Variants in EFCAB11 observed in about 807,000 individuals in gnomAD.
The protein encoded by EFCAB11 is EF-hand calcium-binding domain-containing protein 11.
Under a neutral mutation model 23.0 loss-of-function variants are expected in EFCAB11, and 14 were observed. That is an observed-to-expected ratio of 0.61 (90% confidence interval 0.40 to 0.95). The LOEUF (loss-of-function observed/expected upper bound fraction) is 0.95, where lower values mean the gene tolerates loss of function less well. EFCAB11 is among the 40% of genes least tolerant of loss of function. EFCAB11 has a pLI of 0.00. For synonymous variants in EFCAB11, 65 were observed against 66.6 expected, an observed-to-expected ratio of 0.98 and a Z score of 0.11; for missense variants, 198 against 195.8, an observed-to-expected ratio of 1.01 and a Z score of -0.07.
intron 5 of EFCAB11, among the ~76,000 whole-genome samples, chr14:89,832,679 CTT>C (rs1196061095): frequency 5.9e-5 from 9 of 152,158 alleles, no homozygotes; most frequent in African/African-American, 1.9e-4. Context: ...TTTAAATGTG[CTT>C]AGAACACTTA....
intron 5 of EFCAB11, among the ~76,000 whole-genome samples, chr14:89,809,086 A>T (rs1886066732): frequency 6.6e-6 from 1 of 152,136 alleles, no homozygotes; most frequent in Admixed American, 6.5e-5. Context: ...AGGTCTTACA[A>T]ATTGCATATG....
At chr14:89,925,117 C>A (rs1354245817) in intron 5 of EFCAB11, among the ~76,000 whole-genome samples, 2 of 152,176 alleles carry the variant, frequency 1.3e-5, no homozygotes, top group Non-Finnish European at 2.9e-5. Flanking sequence ...TGAGGAGGAC[C>A]TTTAAAGATG....
At chr14:89,886,322 C>T (rs1433591001) in intron 5 of EFCAB11, among the ~76,000 whole-genome samples, 1 of 151,832 alleles carries the variant, frequency 6.6e-6, no homozygotes, top group African/African-American at 2.4e-5. Flanking sequence ...TCAAGACCAT[C>T]CTGGCCAACT....
intron 5 of EFCAB11, among the ~76,000 whole-genome samples, chr14:89,893,019 G>A (rs1889029491): frequency 6.6e-6 from 1 of 152,198 alleles, no homozygotes; most frequent in African/African-American, 2.4e-5. Context: ...CACCTTGCAG[G>A]GAGGTGGTGA....
intron 3 of EFCAB11, among the ~76,000 whole-genome samples, chr14:89,949,482 A>C (rs1311681608): frequency 6.6e-6 from 1 of 151,516 alleles, no homozygotes; most frequent in Non-Finnish European, 1.5e-5. Context: ...CTCCTGCATC[A>C]GTCTCCAGAG....
At chr14:89,906,185 A>T (rs1889492544) in intron 5 of EFCAB11, among the ~76,000 whole-genome samples, 1 of 146,498 alleles carries the variant, frequency 6.8e-6, no homozygotes, top group South Asian at 2.1e-4. Flanking sequence ...ATAAATAAAT[A>T]AATAAATAAA....
intron 5 of EFCAB11, among the ~76,000 whole-genome samples, chr14:89,811,057 C>T (rs553375459): frequency 1.8e-4 from 28 of 152,120 alleles, no homozygotes; most frequent in African/African-American, 6.5e-4. Context: ...GTCAGGGAAG[C>T]AGGACCTGGC....
chr14:89,871,736 G>A (rs1189419059), intron 5 of EFCAB11, among the ~76,000 whole-genome samples: 1 of 151,972 alleles, frequency 6.6e-6, no homozygotes, highest in Non-Finnish European at 1.5e-5. Context: ...CTAACATACT[G>A]ACCTCCCCTT....
At chr14:89,817,672 T>C (rs933326100) in intron 5 of EFCAB11, among the ~76,000 whole-genome samples, 1 of 152,114 alleles carries the variant, frequency 6.6e-6, no homozygotes, top group Non-Finnish European at 1.5e-5. Flanking sequence ...ATTCACTATT[T>C]AAAACACACG....
chr14:89,834,225 A>C (rs924626843), intron 5 of EFCAB11, among the ~76,000 whole-genome samples: 20 of 151,606 alleles, frequency 1.3e-4, no homozygotes, highest in African/African-American at 4.9e-4. Flanking sequence ...AAATACAAAA[A>C]ATTAGCCGAG....
chr14:89,951,787 T>C (rs1191843098), intron 2 of EFCAB11, among the ~76,000 whole-genome samples: 1 of 149,846 alleles, frequency 6.7e-6, no homozygotes, highest in African/African-American at 2.4e-5. Context: ...GAACCGGGTA[T>C]GGTCGTGTGC....
At chr14:89,835,766 T>C (rs1887059997) in intron 5 of EFCAB11, among the ~76,000 whole-genome samples, 1 of 151,994 alleles carries the variant, frequency 6.6e-6, no homozygotes. Context: ...TAGTTGGGAT[T>C]ACAGGTGTCC....
chr14:89,837,762 G>T (rs1304828025), intron 5 of EFCAB11, among the ~76,000 whole-genome samples: 2 of 152,220 alleles, frequency 1.3e-5, no homozygotes, highest in Non-Finnish European at 2.9e-5. Context: ...GTGCTGAAAA[G>T]ACATGGGGTC....
chr14:89,856,192 CT>C (rs71107567), intron 5 of EFCAB11, among the ~76,000 whole-genome samples: 1,482 of 136,400 alleles, frequency 0.011, 29 homozygotes, highest in African/African-American at 0.038. Context: ...CTCTCTCTCT[CT>C]TTTTTTTTTT....
intron 5 of EFCAB11, among the ~76,000 whole-genome samples, chr14:89,866,534 G>A (rs1310642015): frequency 6.6e-6 from 1 of 152,184 alleles, no homozygotes; most frequent in African/African-American, 2.4e-5. Flanking sequence ...ACTTCTCAAA[G>A]GCACCAAGAG....
intron 5 of EFCAB11, among the ~76,000 whole-genome samples, chr14:89,801,266 C>T (rs1437720633): frequency 6.6e-6 from 1 of 152,132 alleles, no homozygotes. Context: ...ATTACCTGTT[C>T]TAACCTCTCC....
chr14:89,894,657 A>AGT (rs1889103630), intron 5 of EFCAB11, among the ~76,000 whole-genome samples: 1 of 152,208 alleles, frequency 6.6e-6, no homozygotes. Flanking sequence ...AGTCCTAGCC[A>AGT]GTGCATATGT....
chr14:89,861,247 T>C (rs1488477439), intron 5 of EFCAB11, among the ~76,000 whole-genome samples: 1 of 152,206 alleles, frequency 6.6e-6, no homozygotes, highest in Non-Finnish European at 1.5e-5. Flanking sequence ...CCTACTCACC[T>C]AGGCTCTCCA....
intron 5 of EFCAB11, among the ~76,000 whole-genome samples, chr14:89,916,522 G>A (rs976940445): frequency 6.6e-6 from 1 of 152,208 alleles, no homozygotes. Flanking sequence ...TGAAAGCCTA[G>A]TAAAGAAGAC....
Sources: gnomAD v4.1 joint callset for allele counts (sites outside exome capture counted in the v4.1 genomes callset) on GRCh38, gnomAD v4.1.1 for gene constraint, MANE v1.5 for transcripts, NCBI Gene and HGNC (gene_info 2026-07-23, HGNC 2026-07-21) for gene names.